WNK2: variants seen among roughly 807,000 people sequenced by gnomAD.
WNK2 encodes the protein WNK lysine deficient protein kinase 2, also known as serine/threonine-protein kinase WNK2.
A neutral mutation model predicts 192.1 loss-of-function variants in WNK2; 67 were observed. The ratio of observed to expected loss-of-function variants is 0.35; its 90% confidence interval spans 0.29 to 0.43. The LOEUF (loss-of-function observed/expected upper bound fraction) is 0.43. WNK2 is among the 20% of genes least tolerant of loss of function. WNK2 has a pLI of 1.00. For missense variants in WNK2, 2,698 were observed against 3,089.7 expected (o/e 0.87, Z 3.01); for synonymous variants, 1,439 against 1,393.9 (o/e 1.03, Z -0.72).
chr9:93,245,409 C>A (rs1841514967), intron 7 of WNK2, among the ~76,000 whole-genome samples: 1 of 152,216 alleles, frequency 6.6e-6, no homozygotes, highest in South Asian at 2.1e-4. Flanking sequence ...CATGTCCTGT[C>A]CCTCGGGACG....
intron 26 of WNK2, 200 bp downstream of exon 26, chr9:93,300,349 A>C: frequency 1.9e-6 from 1 of 530,154 alleles, no homozygotes. Context: ...CCCAAGCCCC[A>C]CACAGCGTGT....
At chr9:93,221,696 C>A (rs920287155) in intron 2 of WNK2, among the ~76,000 whole-genome samples, 2 of 152,114 alleles carry the variant, frequency 1.3e-5, no homozygotes, top group African/African-American at 4.8e-5. Flanking sequence ...TAGAGTCTTA[C>A]GTTCGCAGGA....
chr9:93,227,178 A>G (rs1345208876), intron 2 of WNK2, among the ~76,000 whole-genome samples: 2 of 151,340 alleles, frequency 1.3e-5, no homozygotes, highest in South Asian at 2.1e-4. Context: ...CAGTGGCACA[A>G]TCTCGGCTCA....
At chr9:93,246,011 G>A (rs564654247) in intron 7 of WNK2, among the ~76,000 whole-genome samples, 16 of 152,188 alleles carry the variant, frequency 1.1e-4, no homozygotes, top group Non-Finnish European at 2.2e-4. Flanking sequence ...AGGAGAAACG[G>A]AGGGAGAGAT....
chr9:93,282,715 A>G (rs960959416), intron 19 of WNK2, among the ~76,000 whole-genome samples: 9 of 152,236 alleles, frequency 5.9e-5, no homozygotes, highest in African/African-American at 2.2e-4. Context: ...CAACTAAAAC[A>G]AATGGAGCAA....
In WNK2 at chr9:93,268,706, C is replaced by G. The variant is rs778896854; in HGVS notation, c.3993C>G (p.Pro1331=). ...CCCCCGAGGCCCCTGAATCTTCGCC[C>G]CCACTTCCTCTAAGCTCCCTGCCGC... The part of the protein sequence containing the change: ...HPAPEAPESS[P]PLPLSSLPPE... Residue 1331 remains proline, a synonymous_variant, in exon 19 of 30, where the codon CCC becomes CCG. Transcript: ENST00000427277. 6.2e-7 allele frequency: 1 copy of G among 1,613,426 alleles called. No individual in the cohort carries two copies. Among genetic ancestry groups the G allele is most frequent in the South Asian group, 1.1e-5 (1 of 90,992 alleles).
intron 2 of WNK2, among the ~76,000 whole-genome samples, chr9:93,185,989 C>A (rs1273757563): frequency 6.6e-6 from 1 of 152,178 alleles, no homozygotes; most frequent in Non-Finnish European, 1.5e-5. Context: ...GGAGTCTGGA[C>A]TGTTGTGTCT....
At chr9:93,301,160 C>T (rs980854270) in intron 26 of WNK2, among the ~76,000 whole-genome samples, 5 of 152,262 alleles carry the variant, frequency 3.3e-5, no homozygotes, top group African/African-American at 4.8e-5. Context: ...TTGTTTTTAA[C>T]CCTCAGGACG....
chr9:93,216,425 C>T (rs950643864), intron 2 of WNK2, among the ~76,000 whole-genome samples: 8 of 152,050 alleles, frequency 5.3e-5, no homozygotes, highest in Non-Finnish European at 8.8e-5. Flanking sequence ...GTGGGTGGAT[C>T]GCTTGAGCCC....
intron 2 of WNK2, among the ~76,000 whole-genome samples, chr9:93,208,858 G>A (rs371920660): frequency 1.4e-4 from 11 of 77,164 alleles, no homozygotes; most frequent in South Asian, 4.1e-4. Flanking sequence ...TGTGTCTTCC[G>A]TGTGTACAGG....
chr9:93,273,639 TAGA>T (rs1846321648), intron 19 of WNK2, among the ~76,000 whole-genome samples: 1 of 152,170 alleles, frequency 6.6e-6, no homozygotes, highest in Admixed American at 6.5e-5. Context: ...ATCAAGAATA[TAGA>T]AGATCTGAAA....
intron 27 of WNK2, 61 bp downstream of exon 27, chr9:93,306,882 G>C: frequency 6.2e-7 from 1 of 1,611,172 alleles, no homozygotes; most frequent in Non-Finnish European, 8.5e-7. Context: ...CTCGTGGCTA[G>C]CGCACATCAG....
At position 93,230,783 on chromosome 9, in the gene WNK2, C is replaced by T. The variant is rs554818410; in HGVS notation, c.855-105C>T. 465 of 1,042,964 alleles carry T rather than the reference C, an allele frequency of 4.5e-4. 3 individuals carry two copies. The African/African-American group carries it at 5.1e-3, about 11-fold the overall frequency. 64.6% of individuals were successfully genotyped at this position (1,042,964 alleles called of 1,614,324 possible). ...CTGTCACGGGTATGTGCCGTGTGCACGGGAATGGACTTTGTACCAGGCCTA... is the reference window on the plus strand; with the variant it reads ...CTGTCACGGGTATGTGCCGTGTGCATGGGAATGGACTTTGTACCAGGCCTA... On this transcript the variant is annotated intron_variant, in intron 3 of 29. Coordinates refer to ENST00000427277, the MANE Select transcript of WNK2 (RefSeq NM_006648.4).
At position 93,289,433 on chromosome 9, in the gene WNK2, T is replaced by C; in HGVS notation, c.4679T>C (p.Leu1560Pro). The change falls in exon 20 of 30, where the codon CTC (leucine) becomes CCC (proline). Residue 1560 changes from leucine to proline, a missense_variant. Transcript: ENST00000427277. ...CTGGACGAGAAGCTGCGGACTCTGC[T>C]CTACCAGGAGCACGTGCCCACCTCC... ...KSLDEKLRTL[L>P]YQEHVPTSSA... The C allele has an allele frequency of 6.2e-7, 1 of 1,612,914 alleles. No homozygotes were observed. The highest frequency in any genetic ancestry group is 8.5e-7 in the Non-Finnish European group (1 of 1,179,730).
At chr9:93,299,969 G>A in intron 25 of WNK2, 82 bp from the exon 26 acceptor site, 1 of 1,130,424 alleles carries the variant, frequency 8.8e-7, no homozygotes, top group Non-Finnish European at 1.3e-6. Context: ...GGCTGGTGTG[G>A]CTGTTGGTGT....
chr9:93,308,148 C>T, intron 27 of WNK2, 180 bp from the exon 28 acceptor site: 5 of 1,284,716 alleles, frequency 3.9e-6, no homozygotes, highest in Non-Finnish European at 5.2e-6. Flanking sequence ...GGAAATGCCC[C>T]ACCATGTCTG....
In WNK2 at chr9:93,259,291, G is replaced by A; in HGVS notation, c.2743G>A (p.Ala915Thr). ...CCCAGGCCAACCTGTGTACCCAGCGGCCTTCCCACAGATGGCGCCTACTGA... is the reference window on the plus strand; with the variant it reads ...CCCAGGCCAACCTGTGTACCCAGCGACCTTCCCACAGATGGCGCCTACTGA... Reference protein sequence around the residue: ...QLPGQPVYPAAFPQMAPTDVP... With the variant: ...QLPGQPVYPATFPQMAPTDVP... Residue 915 changes from alanine (A) to threonine (T), a missense_variant, in exon 12 of 30, where the codon GCC (alanine) becomes ACC (threonine). Around this residue, in one of 7 missense-constraint regions of WNK2, gnomAD observed 893 missense variants for 909.0 expected, o/e 0.98. Coordinates refer to ENST00000427277, the MANE Select transcript of WNK2 (RefSeq NM_006648.4). The surrounding 1 kb of genome is among the most constrained non-coding windows in gnomAD (Gnocchi z 4.8). 1.2e-6 allele frequency: 2 copies of A among 1,613,584 alleles called. No homozygotes were observed. The highest frequency in any genetic ancestry group is 8.5e-7 in the Non-Finnish European group (1 of 1,179,772).
At chr9:93,298,263 C>G (rs2134033902) in intron 24 of WNK2, among the ~76,000 whole-genome samples, 196 bp downstream of exon 24, 2 of 152,344 alleles carry the variant, frequency 1.3e-5, no homozygotes, top group Middle Eastern at 3.4e-3. Flanking sequence ...CGTCCTCATG[C>G]AGAGAGGCAA....
At chr9:93,317,243 C>T in intron 28 of WNK2, 1 of 559,626 alleles carries the variant, frequency 1.8e-6, no homozygotes, top group Non-Finnish European at 3.2e-6. Context: ...CCAGGCCCCA[C>T]TAGTCCTCCT....
Sources: allele counts gnomAD v4.1 joint callset (sites outside exome capture counted in the v4.1 genomes callset), GRCh38; gene constraint gnomAD v4.1.1; regional missense constraint gnomAD v4.1.1; non-coding constraint Gnocchi (gnomAD v3.1); transcripts MANE v1.5; gene names NCBI Gene and HGNC (gene_info 2026-07-23, HGNC 2026-07-21).